The following GHR variants were observed in gnomAD, a reference collection of about 807,000 sequenced individuals.
GHR encodes the protein growth hormone receptor.
In GHR, 35 loss-of-function variants were observed where a neutral mutation model predicts 67.1. The observed-to-expected ratio is 0.52, with a 90% CI of 0.40 to 0.69. GHR has a LOEUF of 0.69. Among genes scored for constraint, GHR ranks in the 30% least tolerant of loss-of-function variants. GHR has a pLI of 0.00. For synonymous variants in GHR, 272 were observed against 269.1 expected (o/e 1.01, Z -0.10); for missense variants, 792 against 764.6 (o/e 1.04, Z -0.42).
At chr5:42,654,829 C>T (rs1158899343) in intron 3 of GHR, among the ~76,000 whole-genome samples, 4 of 152,152 alleles carry the variant, frequency 2.6e-5, no homozygotes, top group Admixed American at 1.3e-4. Flanking sequence ...CACGTACCTA[C>T]TCTAGCAGAG....
chr5:42,517,076 C>G (rs1319208410), intron 1 of GHR, among the ~76,000 whole-genome samples: 1 of 152,174 alleles, frequency 6.6e-6, no homozygotes, highest in East Asian at 1.9e-4. Context: ...ACAGCTGAAG[C>G]TACTGGTTAA....
chr5:42,468,909 C>T, intron 1 of GHR: 1 of 605,314 alleles, frequency 1.7e-6, no homozygotes, highest in Non-Finnish European at 2.7e-6. Flanking sequence ...TTGCAGCGGG[C>T]TGCGCCGAGC....
chr5:42,705,524 G>T (rs1030868609), intron 6 of GHR, among the ~76,000 whole-genome samples: 1 of 152,056 alleles, frequency 6.6e-6, no homozygotes, highest in Non-Finnish European at 1.5e-5. Context: ...ATAGTACCCA[G>T]AAGGTAGTTT....
chr5:42,713,345 T>C (rs1386284931), intron 7 of GHR, 84 bp from the exon 8 acceptor site: 14 of 748,506 alleles, frequency 1.9e-5, no homozygotes, highest in Non-Finnish European at 2.9e-5. Flanking sequence ...AAATTATGAA[T>C]TTTTTGTGAA....
intron 1 of GHR, among the ~76,000 whole-genome samples, chr5:42,564,128 A>G (rs1404884442): frequency 6.6e-6 from 1 of 150,688 alleles, no homozygotes; most frequent in African/African-American, 2.4e-5. Flanking sequence ...AAATCTCACA[A>G]AGTGTGAGAT....
intron 1 of GHR, among the ~76,000 whole-genome samples, chr5:42,502,920 A>G (rs1746601470): frequency 6.6e-6 from 1 of 151,570 alleles, no homozygotes; most frequent in African/African-American, 2.4e-5. Context: ...TCTAAAGGAG[A>G]AGGAGCAAGG....
intron 4 of GHR, among the ~76,000 whole-genome samples, chr5:42,690,282 T>A (rs1387549357): frequency 6.6e-6 from 1 of 152,228 alleles, no homozygotes. Context: ...AGTGTAGTTC[T>A]GCACTTTCTC....
rs960540815 is a variant in GHR at position 42,423,945 on chromosome 5, G to T, written c.-22G>T. On this transcript the variant is annotated 5_prime_UTR_variant, in exon 1 of 10. Coordinates refer to ENST00000230882, the MANE Select transcript of GHR (RefSeq NM_000163.5). Reference sequence around the variant, plus strand: ...GAACCCGCGCTCTCTGATCAGAGGCGAAGCTCGGAGGTACTGGAGTGGGGC... The same window carrying T: ...GAACCCGCGCTCTCTGATCAGAGGCTAAGCTCGGAGGTACTGGAGTGGGGC... 3.2e-5 allele frequency: 5 copies of T among 153,860 alleles called. No individual in the cohort carries two copies. Among genetic ancestry groups the T allele is most frequent in the Non-Finnish European group, 7.3e-5 (5 of 68,400 alleles). The allele number at this position is 153,860 out of a possible 1,614,324, so 9.5% of individuals were successfully genotyped here.
At chr5:42,466,627 A>G (rs1463923764) in intron 1 of GHR, among the ~76,000 whole-genome samples, 1 of 152,264 alleles carries the variant, frequency 6.6e-6, no homozygotes, top group Non-Finnish European at 1.5e-5. Context: ...TTCCTAAGAA[A>G]GCTACATTCC....
intron 1 of GHR, among the ~76,000 whole-genome samples, chr5:42,513,706 CGGGAG>C (rs1166568783): frequency 1.3e-5 from 2 of 151,468 alleles, no homozygotes; most frequent in East Asian, 3.9e-4. Context: ...CGCTTGAACT[CGGGAG>C]GCGGAGGTTG....
chr5:42,427,564 C>T lies in GHR; in HGVS notation c.-12+3609C>T, dbSNP rs183321537. Reference sequence around the variant, plus strand: ...GAGACAAAGCCAAACCATATCATTCCGCTCCTAGCCCCTCCTAAATCTCAT... The same window carrying T: ...GAGACAAAGCCAAACCATATCATTCTGCTCCTAGCCCCTCCTAAATCTCAT... On this transcript the variant is annotated intron_variant, in intron 1 of 9. Transcript: ENST00000230882. Among the ~76,000 whole-genome samples, 194 of 152,240 alleles carry T rather than the reference C, an allele frequency of 1.3e-3. 1 individual carries two copies. The Middle Eastern group carries it at 0.024, about 19-fold the overall frequency.
chr5:42,626,500 T>G (rs1753710481), intron 2 of GHR, among the ~76,000 whole-genome samples: 1 of 152,204 alleles, frequency 6.6e-6, no homozygotes, highest in South Asian at 2.1e-4. Context: ...TCTTCATGTG[T>G]TCAGCTATCC....
At chr5:42,704,626 G>A (rs1027890108) in intron 6 of GHR, among the ~76,000 whole-genome samples, 2 of 151,924 alleles carry the variant, frequency 1.3e-5, no homozygotes, top group Non-Finnish European at 2.9e-5. Flanking sequence ...GAGAAGGATT[G>A]GTGTTCCGGT....
intron 1 of GHR, among the ~76,000 whole-genome samples, chr5:42,452,848 C>T (rs1370448311): frequency 2.6e-5 from 4 of 151,946 alleles, no homozygotes; most frequent in African/African-American, 9.7e-5. Flanking sequence ...TTTCTGGTAA[C>T]TCCTTGAGTA....
intron 1 of GHR, chr5:42,548,478 G>A (rs988866523): frequency 3.6e-4 from 358 of 985,006 alleles, no homozygotes; most frequent in Middle Eastern, 1.6e-3. Context: ...AAGCCTGGAG[G>A]AAACAATACG....
chr5:42,499,797 GAGA>G (rs1289631526), intron 1 of GHR, among the ~76,000 whole-genome samples: 8 of 152,256 alleles, frequency 5.3e-5, no homozygotes, highest in African/African-American at 1.9e-4. Flanking sequence ...AAGGAGAAAG[GAGA>G]AGATTTTAAA....
intron 1 of GHR, among the ~76,000 whole-genome samples, chr5:42,487,165 A>G (rs1745921623): frequency 6.6e-6 from 1 of 152,184 alleles, no homozygotes; most frequent in South Asian, 2.1e-4. Context: ...TGTTCTCCTT[A>G]CTTAAGGACT....
At chr5:42,434,549 C>A (rs779260165) in intron 1 of GHR, among the ~76,000 whole-genome samples, 2 of 152,200 alleles carry the variant, frequency 1.3e-5, no homozygotes, top group Non-Finnish European at 2.9e-5. Flanking sequence ...TAGGATTAAA[C>A]TTCACAGTCT....
intron 1 of GHR, among the ~76,000 whole-genome samples, chr5:42,480,995 C>T (rs1285462151): frequency 6.6e-6 from 1 of 152,112 alleles, no homozygotes; most frequent in African/African-American, 2.4e-5. Flanking sequence ...ATGGTCTTTA[C>T]AATTTGGCAT....
Sources: allele counts gnomAD v4.1 joint callset (sites outside exome capture counted in the v4.1 genomes callset), GRCh38; gene constraint gnomAD v4.1.1; transcripts MANE v1.5; gene names NCBI Gene and HGNC (gene_info 2026-07-23, HGNC 2026-07-21).